The following DIAPH2 variants were observed in gnomAD, a reference collection of about 807,000 sequenced individuals.
DIAPH2 encodes protein diaphanous homolog 2.
In DIAPH2, 35 loss-of-function variants were observed where a neutral mutation model predicts 92.7. That is an observed-to-expected ratio of 0.38 (90% CI 0.29 to 0.50). The LOEUF is 0.50. Among genes scored for constraint, DIAPH2 ranks in the 20% least tolerant of loss-of-function variants. The pLI is 0.94. For synonymous variants in DIAPH2, 301 were observed against 280.4 expected (o/e 1.07, Z -0.73); for missense variants, 701 against 819.5 (o/e 0.86, Z 1.77).
At chrX:96,899,985 T>G (rs868613057) in intron 5 of DIAPH2, among the ~76,000 whole-genome samples, 1 of 57,478 alleles carries the variant, frequency 1.7e-5, no homozygotes, top group Non-Finnish European at 4.2e-5. Flanking sequence ...ATTGAGATAA[T>G]CGTGGTTTTT....
At chrX:96,813,723 T>C (rs1351821345) in intron 4 of DIAPH2, among the ~76,000 whole-genome samples, 1 of 111,913 alleles carries the variant, frequency 8.9e-6, no homozygotes, top group Non-Finnish European at 1.9e-5. Flanking sequence ...GGCCTGGTGG[T>C]GACAAAATCC....
intron 15 of DIAPH2, among the ~76,000 whole-genome samples, chrX:96,955,902 A>G (rs779001034): frequency 8.9e-6 from 1 of 112,315 alleles, no homozygotes; most frequent in Admixed American, 9.3e-5. Flanking sequence ...TTCCAGGTGC[A>G]TGGTGCAAGC....
rs1165499640 is a variant in DIAPH2 at position 97,473,549 on chromosome X, T to A, written c.3241+43804T>A. 9.9e-5 allele frequency among the ~76,000 whole-genome samples: 11 copies of A among 111,138 alleles called. No homozygotes were observed. The East Asian group carries it at 2.9e-3, about 30-fold the overall frequency. On this transcript the variant is annotated intron_variant, in intron 26 of 26. Coordinates refer to ENST00000324765, the MANE Select transcript of DIAPH2 (RefSeq NM_006729.5). ...CGGGGTTTCACCGTGTTGGTCAGGC[T>A]TGGTCTTGAACTCCTGACCTCGTGA...
In DIAPH2 at chrX:97,475,830, T is replaced by C. The variant is rs150370104; in HGVS notation, c.3241+46085T>C. Among the ~76,000 whole-genome samples, 647 of 112,161 alleles carry C rather than the reference T, an allele frequency of 5.8e-3. 2 individuals carry two copies. The highest frequency in any genetic ancestry group is 0.02 in the African/African-American group (614 of 30,964). ...TAAAAGAGTTGTCAAGTTGCATCTA[T>C]AAGTCATTTTGGGAAATATTGTAGG... is the stretch of plus-strand genomic sequence containing the variant. On this transcript the variant is annotated intron_variant, in intron 26 of 26. Transcript: ENST00000324765.
At chrX:97,598,717 T>C (rs1217080419) in intron 26 of DIAPH2, among the ~76,000 whole-genome samples, 4 of 111,986 alleles carry the variant, frequency 3.6e-5, no homozygotes, top group Admixed American at 1.9e-4. Context: ...TTCATTCCCA[T>C]GATGACTATA....
At chrX:97,032,220 A>G (rs1269772889) in intron 17 of DIAPH2, among the ~76,000 whole-genome samples, 1 of 111,136 alleles carries the variant, frequency 9.0e-6, no homozygotes, top group Non-Finnish European at 1.9e-5. Context: ...CTGGTTGGGG[A>G]TGGAGAAGGG....
chrX:96,742,907 G>A (rs944291858), intron 3 of DIAPH2, among the ~76,000 whole-genome samples: 3 of 111,900 alleles, frequency 2.7e-5, no homozygotes, highest in East Asian at 5.6e-4. Context: ...CTGGTGATCC[G>A]CCTGCCTTGG....
chrX:97,263,018 T>G (rs1368811370), intron 23 of DIAPH2, among the ~76,000 whole-genome samples: 1 of 112,230 alleles, frequency 8.9e-6, no homozygotes, highest in Non-Finnish European at 1.9e-5. Flanking sequence ...GTGCATTGAT[T>G]AAAAAGGTAT....
At chrX:97,046,542 T>C (rs987852940) in intron 17 of DIAPH2, among the ~76,000 whole-genome samples, 1 of 111,869 alleles carries the variant, frequency 8.9e-6, no homozygotes, top group Non-Finnish European at 1.9e-5. Flanking sequence ...GAAGTAATTA[T>C]CGGTATAGTG....
At chrX:97,384,872 T>A (rs2069585001) in intron 25 of DIAPH2, among the ~76,000 whole-genome samples, 3 of 106,952 alleles carry the variant, frequency 2.8e-5, no homozygotes, top group African/African-American at 1.0e-4. Context: ...TCTCAAAAAA[T>A]AAATAAATAA....
chrX:97,503,644 G>C (rs963604783), intron 26 of DIAPH2, among the ~76,000 whole-genome samples: 1 of 111,730 alleles, frequency 9.0e-6, no homozygotes, highest in Non-Finnish European at 1.9e-5. Context: ...AGAAGTCCAT[G>C]GGAAAATGAA....
chrX:97,053,649 A>T (rs1301582061), intron 17 of DIAPH2, among the ~76,000 whole-genome samples: 1 of 111,552 alleles, frequency 9.0e-6, no homozygotes, highest in Non-Finnish European at 1.9e-5. Flanking sequence ...AGGTGATTTC[A>T]TGGGCAAGAA....
chrX:96,811,844 A>G (rs754166154), intron 4 of DIAPH2, among the ~76,000 whole-genome samples: 1 of 111,819 alleles, frequency 8.9e-6, no homozygotes, highest in African/African-American at 3.2e-5. Flanking sequence ...CGTATGTTGA[A>G]CCAGCCTTGC....
At chrX:97,111,027 A>T (rs1253245658) in intron 20 of DIAPH2, among the ~76,000 whole-genome samples, 1 of 111,529 alleles carries the variant, frequency 9.0e-6, no homozygotes, top group Non-Finnish European at 1.9e-5. Context: ...TTGATGTCTG[A>T]GAAGATGGTC....
chrX:97,193,116 G>A (rs1225447445), intron 22 of DIAPH2, among the ~76,000 whole-genome samples: 2 of 103,419 alleles, frequency 1.9e-5, no homozygotes, highest in African/African-American at 3.6e-5. Flanking sequence ...GGGCTCAAGC[G>A]ATTCTCCCAC....
At position 96,836,276 on chromosome X, in the gene DIAPH2, T is replaced by C. The variant is rs887156543; in HGVS notation, c.448-45303T>C. On this transcript the variant is annotated intron_variant, in intron 4 of 26. Coordinates refer to ENST00000324765, the MANE Select transcript of DIAPH2 (RefSeq NM_006729.5). ...GCCTTGAAGGCTAGGCAAGAATTTA[T>C]GGCCAAGTCTTTGCCTTATAGGATT... is the stretch of plus-strand genomic sequence containing the variant. Among the ~76,000 whole-genome samples, 3 of 109,960 alleles carry C rather than the reference T, an allele frequency of 2.7e-5. No homozygotes were observed. The Admixed American group carries it at 2.9e-4, about 11-fold the overall frequency.
chrX:97,144,592 TATAG>T (rs1481917208), intron 22 of DIAPH2, among the ~76,000 whole-genome samples: 2 of 84,941 alleles, frequency 2.4e-5, no homozygotes, highest in African/African-American at 8.4e-5. Flanking sequence ...CTTAAGAATA[TATAG>T]ATATTTATAT....
intron 23 of DIAPH2, among the ~76,000 whole-genome samples, chrX:97,313,820 AGTAGAGACAG>A (rs2068817500): frequency 9.1e-6 from 1 of 110,123 alleles, no homozygotes; most frequent in African/African-American, 3.3e-5. Context: ...TTGTATTTTT[AGTAGAGACAG>A]GTTTTCACCA....
At chrX:96,820,516 A>G (rs779150631) in intron 4 of DIAPH2, among the ~76,000 whole-genome samples, 50 of 112,195 alleles carry the variant, frequency 4.5e-4, no homozygotes, top group Admixed American at 3.8e-4. Flanking sequence ...ATCCTAAAAT[A>G]TTTGGAGAGC....
Sources: gnomAD v4.1 joint callset for allele counts (sites outside exome capture counted in the v4.1 genomes callset) on GRCh38, gnomAD v4.1.1 for gene constraint, MANE v1.5 for transcripts, NCBI Gene and HGNC (gene_info 2026-07-23, HGNC 2026-07-21) for gene names.